Variants in USH2A observed in about 807,000 individuals in gnomAD.
USH2A encodes the protein usherin, also known as Usher syndrome 2A (autosomal recessive, mild).
In USH2A, 443 loss-of-function variants were observed where a neutral mutation model predicts 538.9. The observed-to-expected ratio is 0.82, with a 90% CI of 0.76 to 0.89. USH2A has a LOEUF of 0.89. Ranked by LOEUF, USH2A falls within the 40% of genes least tolerant of loss-of-function variation. The pLI is 0.00. For missense variants in USH2A, 6,633 were observed against 6,324.8 expected (o/e 1.05, Z -1.65); for synonymous variants, 2,413 against 2,273.5 (o/e 1.06, Z -1.75).
Position 215,940,909 on chromosome 1 carries a change from G to A in USH2A, c.7121-6114C>T, listed in dbSNP as rs552202726. On this transcript the variant is annotated intron_variant, in intron 37 of 71. Transcript: ENST00000307340. ...AAGATGCTTCAGACACATTTGTCCT[G>A]GTTGTGCCCATACAAGAGCAATGAC... Among the ~76,000 whole-genome samples, 214 of 152,200 alleles carry A rather than the reference G, an allele frequency of 1.4e-3. 2 individuals are homozygous for A. Among genetic ancestry groups the A allele is most frequent in the African/African-American group, 5.0e-3 (207 of 41,554 alleles).
intron 4 of USH2A, among the ~76,000 whole-genome samples, chr1:216,363,704 T>C (rs2038539658): frequency 6.6e-6 from 1 of 151,988 alleles, no homozygotes; most frequent in Non-Finnish European, 1.5e-5. Flanking sequence ...TATAGGAGCT[T>C]AAGAAATCTC....
chr1:215,644,855 A>G (rs1021328966), intron 67 of USH2A, among the ~76,000 whole-genome samples: 10 of 152,216 alleles, frequency 6.6e-5, no homozygotes, highest in African/African-American at 2.4e-4. Flanking sequence ...AGTAGAGTCC[A>G]CATCACTGCA....
At chr1:216,082,038 A>G (rs1330360790) in intron 26 of USH2A, among the ~76,000 whole-genome samples, 2 of 152,106 alleles carry the variant, frequency 1.3e-5, no homozygotes, top group Non-Finnish European at 2.9e-5. Flanking sequence ...GCTCAGGCAT[A>G]TGGTCCTCAA....
At chr1:215,631,577 T>C (rs1196678304) in intron 70 of USH2A, among the ~76,000 whole-genome samples, 1 of 152,194 alleles carries the variant, frequency 6.6e-6, no homozygotes, top group Non-Finnish European at 1.5e-5. Flanking sequence ...TAGGATTAAA[T>C]TATGATTCAA....
intron 58 of USH2A, among the ~76,000 whole-genome samples, chr1:215,753,001 G>T (rs1182474870): frequency 6.6e-6 from 1 of 152,112 alleles, no homozygotes; most frequent in Non-Finnish European, 1.5e-5. Flanking sequence ...GTGGGAGAAG[G>T]ATATGAACAG....
intron 34 of USH2A, 104 bp from the exon 35 acceptor site, chr1:215,993,271 A>G (rs1052869479): frequency 6.5e-7 from 1 of 1,545,386 alleles, no homozygotes; most frequent in Non-Finnish European, 8.9e-7. Context: ...TTTGTTATAT[A>G]GTGCTACCTT....
At chr1:216,395,213 T>C (rs2102752332) in intron 3 of USH2A, among the ~76,000 whole-genome samples, 1 of 152,330 alleles carries the variant, frequency 6.6e-6, no homozygotes, top group Admixed American at 6.5e-5. Flanking sequence ...CTATGTTCTT[T>C]CTTTGAATCA....
intron 32 of USH2A, among the ~76,000 whole-genome samples, chr1:216,014,561 G>A (rs186992256): frequency 1.3e-5 from 2 of 152,298 alleles, no homozygotes; most frequent in Admixed American, 1.3e-4. Flanking sequence ...AATGGAGGGT[G>A]GGGAAACCCT....
intron 15 of USH2A, among the ~76,000 whole-genome samples, chr1:216,213,968 C>A (rs967120992): frequency 2.0e-5 from 3 of 151,930 alleles, no homozygotes; most frequent in Non-Finnish European, 4.4e-5. Flanking sequence ...CATTAGTCAG[C>A]AGGAAAAATG....
intron 3 of USH2A, among the ~76,000 whole-genome samples, chr1:216,396,348 T>C (rs1199418054): frequency 6.6e-6 from 1 of 152,166 alleles, no homozygotes; most frequent in Non-Finnish European, 1.5e-5. Context: ...TTATCTAAAC[T>C]GTGTACTTAG....
At chr1:215,898,579 C>T (rs1665408198) in intron 40 of USH2A, among the ~76,000 whole-genome samples, 2 of 151,266 alleles carry the variant, frequency 1.3e-5, no homozygotes, top group South Asian at 4.2e-4. Context: ...ATAAAGAATG[C>T]TGTGCCAAAA....
intron 30 of USH2A, among the ~76,000 whole-genome samples, chr1:216,053,499 G>A (rs1407802662): frequency 6.8e-6 from 1 of 147,542 alleles, no homozygotes; most frequent in African/African-American, 2.5e-5. Flanking sequence ...TACAAGGCAG[G>A]CCAGATGACC....
Position 215,926,415 on chromosome 1 carries a change from C to T in USH2A, c.7300+8201G>A, listed in dbSNP as rs532174957. Among the ~76,000 whole-genome samples the T allele has an allele frequency of 3.9e-5, 6 of 152,082 alleles. No individual in the cohort carries two copies. In the East Asian group the frequency reaches 1.2e-3, roughly 29 times the overall value. ...ATGCCACAAATCTCAGACTCAGTCC[C>T]TAATCAATTGAAGGGATATAATCAA... is the stretch of plus-strand genomic sequence containing the variant. On this transcript the variant is annotated intron_variant, in intron 38 of 71. Coordinates refer to ENST00000307340, the MANE Select transcript of USH2A (RefSeq NM_206933.4).
At chr1:216,400,219 TA>T (rs398103693) in intron 3 of USH2A, among the ~76,000 whole-genome samples, 382 of 10,228 alleles carry the variant, frequency 0.037, 3 homozygotes, top group African/African-American at 0.18. Context: ...ATAGAAGTTA[TA>T]TATATATATA....
In USH2A at chr1:216,170,547, G is replaced by C. The variant is rs536981790; in HGVS notation, c.4627+4705C>G. ...TCCCCAAAGGCAGTTCCTGATTTCT[G>C]GGCAGGGTCACCAGTAAAGGCAGTT... On this transcript the variant is annotated intron_variant, in intron 21 of 71. Coordinates refer to ENST00000307340, the MANE Select transcript of USH2A (RefSeq NM_206933.4). 2.0e-4 allele frequency among the ~76,000 whole-genome samples: 31 copies of C among 152,160 alleles called. No individual in the cohort carries two copies. In the South Asian group the frequency reaches 5.2e-3, roughly 25 times the overall value.
chr1:215,796,634 A>G (rs1481100043), intron 50 of USH2A, among the ~76,000 whole-genome samples: 1 of 152,028 alleles, frequency 6.6e-6, no homozygotes, highest in East Asian at 1.9e-4. Context: ...AGGCACAGCA[A>G]TATTAAAATT....
chr1:216,370,677 C>CAAAAAAAAAAAGA (rs1558058434), intron 3 of USH2A, among the ~76,000 whole-genome samples: 4 of 29,990 alleles, frequency 1.3e-4, no homozygotes, highest in Non-Finnish European at 2.4e-4. Flanking sequence ...GACTCTGTCT[C>CAAAAAAAAAAAGA]AAAAAAAAAA....
intron 3 of USH2A, among the ~76,000 whole-genome samples, chr1:216,376,148 G>A (rs1455519230): frequency 2.0e-5 from 3 of 152,030 alleles, no homozygotes; most frequent in Non-Finnish European, 2.9e-5. Flanking sequence ...ACATGCTGTT[G>A]GAAAAATAGC....
At chr1:216,369,263 T>A (rs2038657524) in intron 3 of USH2A, among the ~76,000 whole-genome samples, 1 of 152,196 alleles carries the variant, frequency 6.6e-6, no homozygotes, top group Admixed American at 6.5e-5. Context: ...TCTATAAGTT[T>A]ATTTTAAAAA....
Sources: gnomAD v4.1 joint callset for allele counts (sites outside exome capture counted in the v4.1 genomes callset) on GRCh38, gnomAD v4.1.1 for gene constraint, MANE v1.5 for transcripts, NCBI Gene and HGNC (gene_info 2026-07-23, HGNC 2026-07-21) for gene names.